Variants in CAMK2D observed in about 807,000 individuals in gnomAD.
The protein encoded by CAMK2D is calcium/calmodulin dependent protein kinase II delta.
Under a neutral mutation model 84.0 loss-of-function variants are expected in CAMK2D, and 37 were observed. The observed-to-expected ratio is 0.44, with a 90% CI of 0.34 to 0.58. The LOEUF (loss-of-function observed/expected upper bound fraction) is 0.58. CAMK2D is among the 20% of genes least tolerant of loss of function. The pLI, the probability that CAMK2D is intolerant of heterozygous loss-of-function variation, is 0.02. For missense variants in CAMK2D, 448 were observed against 652.5 expected (o/e 0.69, Z 3.41); for synonymous variants, 202 against 212.5 (o/e 0.95, Z 0.43).
chr4:113,542,880 C>G (rs2098540254), intron 6 of CAMK2D, among the ~76,000 whole-genome samples: 1 of 152,154 alleles, frequency 6.6e-6, no homozygotes, highest in Non-Finnish European at 1.5e-5. Context: ...TTCTCTCTCT[C>G]TCATATTCAT....
chr4:113,567,255 C>T (rs2098729960), intron 4 of CAMK2D, among the ~76,000 whole-genome samples: 1 of 150,582 alleles, frequency 6.6e-6, no homozygotes, highest in African/African-American at 2.4e-5. Flanking sequence ...GTAACCTCTG[C>T]CTCCTGGGTT....
intron 8 of CAMK2D, among the ~76,000 whole-genome samples, chr4:113,518,430 T>G (rs980512207): frequency 6.6e-6 from 1 of 152,212 alleles, no homozygotes; most frequent in Non-Finnish European, 1.5e-5. Context: ...AAATTCTGTA[T>G]TCACAGTTTG....
intron 6 of CAMK2D, among the ~76,000 whole-genome samples, chr4:113,547,220 C>T (rs1420253941): frequency 1.3e-5 from 2 of 152,096 alleles, no homozygotes; most frequent in Non-Finnish European, 1.5e-5. Flanking sequence ...AAAACTTCAC[C>T]TAATAACTTT....
chr4:113,542,971 G>A (rs184189459), intron 6 of CAMK2D, among the ~76,000 whole-genome samples: 8 of 152,238 alleles, frequency 5.3e-5, no homozygotes, highest in Admixed American at 6.5e-5. Context: ...ATTCTCTGCC[G>A]AGGCAATTCA....
intron 8 of CAMK2D, among the ~76,000 whole-genome samples, chr4:113,519,406 T>A (rs1251361712): frequency 6.6e-6 from 1 of 152,158 alleles, no homozygotes. Flanking sequence ...CAATATGTAA[T>A]AGATGCCCAC....
chr4:113,467,699 G>A (rs2097492000), intron 16 of CAMK2D, among the ~76,000 whole-genome samples: 1 of 152,212 alleles, frequency 6.6e-6, no homozygotes, highest in Non-Finnish European at 1.5e-5. Flanking sequence ...CATAGTGACA[G>A]AAGTGGTATC....
chr4:113,702,357 A>G (rs1053515096), intron 2 of CAMK2D, among the ~76,000 whole-genome samples: 1 of 152,140 alleles, frequency 6.6e-6, no homozygotes, highest in Non-Finnish European at 1.5e-5. Flanking sequence ...TTTATTTACA[A>G]TCCTTTAAAA....
At chr4:113,477,233 C>T (rs1445261599) in intron 16 of CAMK2D, among the ~76,000 whole-genome samples, 1 of 152,154 alleles carries the variant, frequency 6.6e-6, no homozygotes, top group Non-Finnish European at 1.5e-5. Context: ...GACTCGTAGG[C>T]CCAAGAGCCA....
intron 4 of CAMK2D, among the ~76,000 whole-genome samples, chr4:113,576,268 C>G (rs2098781690): frequency 6.6e-6 from 1 of 152,130 alleles, no homozygotes; most frequent in Admixed American, 6.6e-5. Context: ...ATTCACAGAT[C>G]TCCGATGTTT....
chr4:113,550,307 G>C (rs1214640788), intron 5 of CAMK2D, among the ~76,000 whole-genome samples: 2 of 152,076 alleles, frequency 1.3e-5, no homozygotes, highest in East Asian at 3.9e-4. Context: ...TGATTATCTG[G>C]GACTACAGGT....
intron 7 of CAMK2D, among the ~76,000 whole-genome samples, chr4:113,536,147 A>G (rs2098488629): frequency 1.3e-5 from 2 of 152,232 alleles, no homozygotes; most frequent in South Asian, 2.1e-4. Flanking sequence ...AAGTTAAAAT[A>G]TTATAAACAG....
chr4:113,662,487 CAT>C (rs1322202932), intron 2 of CAMK2D, among the ~76,000 whole-genome samples: 1 of 152,066 alleles, frequency 6.6e-6, no homozygotes, highest in African/African-American at 2.4e-5. Context: ...CAAAATAAAT[CAT>C]AGAGAGAAGA....
chr4:113,525,601 T>C (rs1590720314), intron 8 of CAMK2D, among the ~76,000 whole-genome samples: 2 of 152,274 alleles, frequency 1.3e-5, no homozygotes, highest in East Asian at 3.9e-4. Context: ...AGCAAGGTAA[T>C]GTTGGAATTC....
At chr4:113,627,473 C>T (rs2099072804) in intron 3 of CAMK2D, among the ~76,000 whole-genome samples, 1 of 152,106 alleles carries the variant, frequency 6.6e-6, no homozygotes, top group Admixed American at 6.6e-5. Context: ...AATATATAAC[C>T]TAGTTTTATG....
chr4:113,736,695 T>A (rs2099582156), intron 2 of CAMK2D, among the ~76,000 whole-genome samples: 2 of 152,160 alleles, frequency 1.3e-5, no homozygotes, highest in South Asian at 4.1e-4. Flanking sequence ...ACTATGGCCT[T>A]TCATTCATAT....
intron 2 of CAMK2D, among the ~76,000 whole-genome samples, chr4:113,722,297 C>T (rs2099532920): frequency 6.6e-6 from 1 of 152,074 alleles, no homozygotes; most frequent in Admixed American, 6.6e-5. Context: ...AATTAAATTG[C>T]TTAAATTGAC....
intron 14 of CAMK2D, chr4:113,503,319 G>A (rs377682238): frequency 3.1e-5 from 17 of 552,688 alleles, no homozygotes; most frequent in South Asian, 1.3e-4. Flanking sequence ...GCCTGTGAAC[G>A]TCTGTCCCAT....
intron 3 of CAMK2D, among the ~76,000 whole-genome samples, chr4:113,622,490 C>T (rs374945423): frequency 1.3e-5 from 2 of 152,166 alleles, no homozygotes; most frequent in African/African-American, 4.8e-5. Context: ...TATAGCTGGG[C>T]ACAGTGGCTT....
At chr4:113,709,638 A>G (rs1370297826) in intron 2 of CAMK2D, among the ~76,000 whole-genome samples, 1 of 150,152 alleles carries the variant, frequency 6.7e-6, no homozygotes, top group East Asian at 1.9e-4. Flanking sequence ...AGAGTCAGAA[A>G]TGCCAAATGC....
Sources: gnomAD v4.1 joint callset for allele counts (sites outside exome capture counted in the v4.1 genomes callset) on GRCh38, gnomAD v4.1.1 for gene constraint, MANE v1.5 for transcripts, NCBI Gene and HGNC (gene_info 2026-07-23, HGNC 2026-07-21) for gene names.